ABCG1: variants seen among roughly 807,000 people sequenced by gnomAD.
ABCG1 encodes ATP-binding cassette sub-family G member 1.
In ABCG1, 29 loss-of-function variants were observed where a neutral mutation model predicts 69.2. The observed-to-expected ratio is 0.42, with a 90% confidence interval of 0.31 to 0.57. ABCG1 has a LOEUF of 0.57. Ranked by LOEUF, ABCG1 falls within the 20% of genes least tolerant of loss-of-function variation. The pLI is 0.15. For synonymous variants in ABCG1, 370 were observed against 374.8 expected, an observed-to-expected ratio of 0.99 and a Z score of 0.15; for missense variants, 718 against 898.1, an observed-to-expected ratio of 0.80 and a Z score of 2.56.
chr21:42,288,097 T>TG lies in ABCG1; in HGVS notation c.1122+65dup. On this transcript the variant is annotated intron_variant, in intron 9 of 14. Transcript: ENST00000398449. The surrounding 1 kb of genome is among the most constrained non-coding windows in gnomAD (Gnocchi z 4.8). ...AGGTAATGCAAATCCCGAAGCCCCCTGGGGGAGGCTGCACGTGGCACCGTG... is the reference window on the plus strand; with the variant it reads ...AGGTAATGCAAATCCCGAAGCCCCCTGGGGGGAGGCTGCACGTGGCACCGTG... The TG allele has an allele frequency of 6.2e-7, 1 of 1,606,624 alleles. No individual in the cohort carries two copies. The highest frequency in any genetic ancestry group is 8.5e-7 in the Non-Finnish European group (1 of 1,173,966).
In ABCG1 at chr21:42,221,864, G is replaced by A. The variant is rs148465641; in HGVS notation, c.42+2560G>A. ...AAATGGAGTGAATGCGGCTCACCAC[G>A]GCCTGTGGGTGGCTTACTGACTGCT... On this transcript the variant is annotated intron_variant, in intron 1 of 14. Coordinates refer to ENST00000398449, the MANE Select transcript of ABCG1 (RefSeq NM_016818.3). Among the ~76,000 whole-genome samples the A allele has an allele frequency of 5.9e-3, 891 of 152,222 alleles. 13 individuals carry two copies. The highest frequency in any genetic ancestry group is 0.02 in the African/African-American group (846 of 41,528).
Position 42,275,045 on chromosome 21 carries a change from G to C in ABCG1, c.537+1610G>C, listed in dbSNP as rs2068686025. ...CTTGATCTGCTCTGTGCTTTGGTCAGTAGATGGGGGTTCGCCTTGGTTTTC... is the reference window on the plus strand; with the variant it reads ...CTTGATCTGCTCTGTGCTTTGGTCACTAGATGGGGGTTCGCCTTGGTTTTC... On this transcript the variant is annotated intron_variant, in intron 4 of 14. Transcript: ENST00000398449. 3.3e-5 allele frequency among the ~76,000 whole-genome samples: 5 copies of C among 152,182 alleles called. No individual in the cohort carries two copies. In the South Asian group the frequency reaches 1.0e-3, roughly 31 times the overall value.
At chr21:42,267,767 GTGGTCTGGGTTCTGTCTGGGTC>G (rs1251170377) in intron 2 of ABCG1, among the ~76,000 whole-genome samples, 4 of 136,108 alleles carry the variant, frequency 2.9e-5, no homozygotes, top group East Asian at 4.6e-4. Context: ...CTGCCTGGGT[GTGGTCTGGGTTCTGTCTGGGTC>G]TGGTCTGGGT....
At chr21:42,284,202 C>A (rs1356183128) in intron 6 of ABCG1, among the ~76,000 whole-genome samples, 8 of 127,090 alleles carry the variant, frequency 6.3e-5, no homozygotes, top group Admixed American at 5.9e-4. Context: ...TTGCAAAGTC[C>A]CCCCGCCCAG....
chr21:42,204,413 CTATTCCGAT>C (rs1213939191), intron 2 of ABCG1, among the ~76,000 whole-genome samples: 1 of 152,178 alleles, frequency 6.6e-6, no homozygotes, highest in African/African-American at 2.4e-5. Context: ...TGGAACTTCT[CTATTCCGAT>C]TTTTCTGAGT....
chr21:42,232,016 G>A (rs879912644), intron 2 of ABCG1, among the ~76,000 whole-genome samples: 8 of 152,150 alleles, frequency 5.3e-5, no homozygotes, highest in African/African-American at 7.2e-5. Context: ...TCTCTTCCCC[G>A]CTGGGGCCAG....
chr21:42,235,453 G>A (rs796083845), intron 2 of ABCG1, among the ~76,000 whole-genome samples: 13 of 152,284 alleles, frequency 8.5e-5, no homozygotes, highest in African/African-American at 2.9e-4. Flanking sequence ...ACCATGGCCC[G>A]TGACACAGCC....
chr21:42,211,513 C>A (rs1013787572), upstream of ABCG1, among the ~76,000 whole-genome samples: 2 of 152,142 alleles, frequency 1.3e-5, no homozygotes, highest in South Asian at 2.1e-4. Flanking sequence ...TTTCTCCCTG[C>A]TATGATCCAA....
chr21:42,238,391 A>G (rs111975981), intron 2 of ABCG1, among the ~76,000 whole-genome samples: 4,984 of 152,214 alleles, frequency 0.033, 148 homozygotes, highest in Middle Eastern at 0.061. Context: ...TTGTCCTCCA[A>G]GAGAATCTTT....
chr21:42,281,819 A>T (rs1008754147), intron 5 of ABCG1, among the ~76,000 whole-genome samples: 1 of 152,138 alleles, frequency 6.6e-6, no homozygotes, highest in Non-Finnish European at 1.5e-5. Flanking sequence ...AGTAACCATC[A>T]CAGCGACCCT....
At position 42,291,371 on chromosome 21, in the gene ABCG1, G is replaced by A; in HGVS notation, c.1495-127G>A. On this transcript the variant is annotated intron_variant, in intron 12 of 14. Transcript: ENST00000398449. The surrounding 1 kb of genome is among the most constrained non-coding windows in gnomAD (Gnocchi z 6.4). ...GCTGTGGCGGGAGCTGTGGGGAGTG[G>A]GGAAGGACCCGACTTTGGGAGCTCT... The A allele has an allele frequency of 2.2e-6, 3 of 1,358,954 alleles. No individual in the cohort carries two copies. Among genetic ancestry groups the A allele is most frequent in the Admixed American group, 3.9e-5 (2 of 50,710 alleles). 84.2% of individuals were successfully genotyped at this position (1,358,954 alleles called of 1,614,324 possible). A position where few individuals can be genotyped will look rare whatever the true frequency, so the allele number is the denominator to read the frequency against.
At chr21:42,295,062 T>A (rs1301477758) in intron 14 of ABCG1, 1 of 191,894 alleles carries the variant, frequency 5.2e-6, no homozygotes, top group Non-Finnish European at 1.1e-5. Context: ...GGCTCATGTC[T>A]GTAATCCCAG....
At chr21:42,263,660 A>G (rs1204383136) in intron 2 of ABCG1, among the ~76,000 whole-genome samples, 1 of 152,080 alleles carries the variant, frequency 6.6e-6, no homozygotes, top group Non-Finnish European at 1.5e-5. Context: ...TGTCTCGCCC[A>G]CTTGGGGAGG....
chr21:42,273,123 G>C lies in ABCG1; in HGVS notation c.405-180G>C, dbSNP rs902216326. 6.6e-6 allele frequency among the ~76,000 whole-genome samples: 1 copy of C among 152,124 alleles called. No individual in the cohort carries two copies. Among genetic ancestry groups the C allele is most frequent in the Non-Finnish European group, 1.5e-5 (1 of 68,008 alleles). ...TTTCTCTGTGGAATGTCTTCCTCCC[G>C]ATCGCTGCAGTGCTAGCGAGGTCCG... On this transcript the variant is annotated intron_variant, in intron 3 of 14. Coordinates refer to ENST00000398449, the MANE Select transcript of ABCG1 (RefSeq NM_016818.3). This position sits in a 1 kb window ranked among gnomAD's most constrained non-coding sequence, Gnocchi z 5.3.
intron 1 of ABCG1, among the ~76,000 whole-genome samples, chr21:42,200,596 C>CTTTTTTTTT (rs200131320): frequency 1.6e-4 from 22 of 138,696 alleles, no homozygotes; most frequent in African/African-American, 5.1e-4. Flanking sequence ...TTATGTTGCA[C>CTTTTTTTTT]TTTTTTTTTT....
chr21:42,282,282 G>C lies in ABCG1; in HGVS notation c.597G>C (p.Glu199Asp), dbSNP rs752178808. 1.2e-6 allele frequency: 2 copies of C among 1,611,870 alleles called. No homozygotes were observed. The highest frequency in any genetic ancestry group is 1.7e-6 in the Non-Finnish European group (2 of 1,179,854). The change falls in exon 6 of 15, where the codon GAG becomes GAC. Residue 199 changes from glutamate (E) to aspartate (D), a missense_variant. Around this residue, in one of 2 missense-constraint regions of ABCG1, gnomAD observed 514 missense variants for 574.3 expected, o/e 0.90. Coordinates refer to ENST00000398449, the MANE Select transcript of ABCG1 (RefSeq NM_016818.3). The part of the protein sequence containing the change: ...KDEGRREMVK[E>D]ILTALGLLSC... ...CGTTCTGTTGCCCCCAGGTCAAGGA[G>C]ATACTGACAGCGCTGGGCTTGCTGT... is the stretch of plus-strand genomic sequence containing the variant.
chr21:42,237,576 G>A (rs1368377943), intron 2 of ABCG1, among the ~76,000 whole-genome samples: 1 of 152,228 alleles, frequency 6.6e-6, no homozygotes, highest in Admixed American at 6.5e-5. Flanking sequence ...CGTCTCAGCT[G>A]CCCAGCCAGT....
In ABCG1 at chr21:42,288,137, A is replaced by C; in HGVS notation, c.1123-74A>C. The C allele has an allele frequency of 6.2e-7, 1 of 1,611,450 alleles. No homozygotes were observed. On this transcript the variant is annotated intron_variant, in intron 9 of 14. Coordinates refer to ENST00000398449, the MANE Select transcript of ABCG1 (RefSeq NM_016818.3). The surrounding 1 kb of genome is among the most constrained non-coding windows in gnomAD (Gnocchi z 4.8). ...GTGGCACCGTGCACTGCTGCATGAGAGCTCTTTCCGAGCAAGAAGGAGCCG... is the reference window on the plus strand; with the variant it reads ...GTGGCACCGTGCACTGCTGCATGAGCGCTCTTTCCGAGCAAGAAGGAGCCG...
chr21:42,258,784 G>A (rs1270444480), intron 2 of ABCG1, among the ~76,000 whole-genome samples: 1 of 152,210 alleles, frequency 6.6e-6, no homozygotes, highest in Non-Finnish European at 1.5e-5. Context: ...GCCCCCTGCA[G>A]GTGGCTCTGA....
Sources: gnomAD v4.1 joint callset for allele counts (sites outside exome capture counted in the v4.1 genomes callset) on GRCh38, gnomAD v4.1.1 for gene constraint, gnomAD v4.1.1 regional missense constraint, Gnocchi (gnomAD v3.1) non-coding constraint, MANE v1.5 for transcripts, NCBI Gene and HGNC (gene_info 2026-07-23, HGNC 2026-07-21) for gene names.